LNX1: variants seen among roughly 807,000 people sequenced by gnomAD.
LNX1 encodes E3 ubiquitin-protein ligase LNX.
In LNX1, 54 loss-of-function variants were observed where a neutral mutation model predicts 68.4. The ratio of observed to expected loss-of-function variants is 0.79; its 90% confidence interval spans 0.63 to 0.99. The LOEUF (loss-of-function observed/expected upper bound fraction) is 0.99, where lower values mean the gene tolerates loss of function less well. Ranked by LOEUF, LNX1 falls within the 50% of genes least tolerant of loss-of-function variation. The pLI is 0.00. For synonymous variants in LNX1, 336 were observed against 350.0 expected, an observed-to-expected ratio of 0.96 and a Z score of 0.45; for missense variants, 906 against 926.4, an observed-to-expected ratio of 0.98 and a Z score of 0.29.
At chr4:53,473,917 T>G (rs1459679980) in intron 9 of LNX1, among the ~76,000 whole-genome samples, 1 of 152,148 alleles carries the variant, frequency 6.6e-6, no homozygotes, top group South Asian at 2.1e-4. Flanking sequence ...CTAGAGTCCC[T>G]GAAAAGCAGC....
At chr4:53,628,211 C>A (rs1734145036) in intron 1 of LNX1, among the ~76,000 whole-genome samples, 1 of 151,978 alleles carries the variant, frequency 6.6e-6, no homozygotes, top group Non-Finnish European at 1.5e-5. Context: ...AACAGACAAC[C>A]CACAGAATAG....
intron 9 of LNX1, among the ~76,000 whole-genome samples, chr4:53,475,802 A>T (rs57587034): frequency 0.11 from 17,315 of 152,162 alleles, 1,840 homozygotes; most frequent in South Asian, 0.28. Flanking sequence ...AAGTGAGACA[A>T]GTAATTACGT....
intron 9 of LNX1, among the ~76,000 whole-genome samples, chr4:53,467,430 G>A (rs1722770004): frequency 6.6e-6 from 1 of 152,284 alleles, no homozygotes; most frequent in East Asian, 1.9e-4. Flanking sequence ...AAAAATCAGA[G>A]CGCCTCTCCT....
chr4:53,639,892 G>A (rs1734613713), intron 1 of LNX1, among the ~76,000 whole-genome samples: 1 of 152,120 alleles, frequency 6.6e-6, no homozygotes, highest in Non-Finnish European at 1.5e-5. Flanking sequence ...AATTAGCCAG[G>A]CATGTTGGCG....
chr4:53,532,868 C>G (rs1577672255), intron 2 of LNX1, among the ~76,000 whole-genome samples: 1 of 152,206 alleles, frequency 6.6e-6, no homozygotes, highest in South Asian at 2.1e-4. Context: ...TGCAGGCTGC[C>G]CAGGAAGTTG....
At chr4:53,589,017 G>A (rs979812617) in intron 1 of LNX1, among the ~76,000 whole-genome samples, 1 of 152,184 alleles carries the variant, frequency 6.6e-6, no homozygotes, top group Non-Finnish European at 1.5e-5. Flanking sequence ...CAGAGGCTCG[G>A]CATGAACCCT....
Position 53,573,764 on chromosome 4 carries a change from T to C in LNX1, c.239A>G (p.Lys80Arg). The C allele has an allele frequency of 6.2e-7, 1 of 1,611,966 alleles. No individual in the cohort carries two copies. Among genetic ancestry groups the C allele is most frequent in the Non-Finnish European group, 8.5e-7 (1 of 1,179,076 alleles). Residue 80 changes from lysine to arginine, a missense_variant, in exon 2 of 11, where the codon AAG (lysine) becomes AGG (arginine). Transcript: ENST00000263925. ...VEKDFCPMDR[K>R]PLVLQHCKKS... ...CTTGCAGTGCTGCAGAACCAGAGGC[T>C]TGCGGTCCATGGGACAGAAGTCCTT...
At chr4:53,496,001 C>T in intron 6 of LNX1, 22 bp downstream of exon 6, 1 of 1,597,024 alleles carries the variant, frequency 6.3e-7, no homozygotes, top group Non-Finnish European at 8.5e-7. Flanking sequence ...TGACTGGGAT[C>T]CTGGAATGAC....
chr4:53,608,253 A>G (rs1158298169), intron 2 of LNX1, among the ~76,000 whole-genome samples: 1 of 152,226 alleles, frequency 6.6e-6, no homozygotes. Context: ...TCTATGAGGA[A>G]CTTTGACAAA....
chr4:53,499,839 C>T (rs1193845822), intron 4 of LNX1, among the ~76,000 whole-genome samples: 1 of 152,150 alleles, frequency 6.6e-6, no homozygotes, highest in East Asian at 1.9e-4. Context: ...GCAGTTCATC[C>T]CTGGTTTGCC....
At chr4:53,498,600 T>TA in intron 5 of LNX1, 41 bp downstream of exon 5, 1 of 1,491,460 alleles carries the variant, frequency 6.7e-7, no homozygotes, top group Non-Finnish European at 9.3e-7. Context: ...CATTTTTTTA[T>TA]ATCAAGCCCC....
intron 6 of LNX1, among the ~76,000 whole-genome samples, chr4:53,490,139 G>GA (rs5858215): frequency 0.93 from 141,778 of 152,128 alleles, 66,657 homozygotes; most frequent in East Asian, 1. Context: ...TTCATATAAG[G>GA]AAAAAACAAT....
intron 2 of LNX1, among the ~76,000 whole-genome samples, chr4:53,611,012 A>G (rs28608184): frequency 0.31 from 47,696 of 151,892 alleles, 7,813 homozygotes; most frequent in East Asian, 0.53. Context: ...ACTTGATGGT[A>G]GCAAATTTTA....
chr4:53,541,403 G>A (rs371519456), intron 2 of LNX1, among the ~76,000 whole-genome samples: 1 of 152,288 alleles, frequency 6.6e-6, no homozygotes, highest in Admixed American at 6.5e-5. Flanking sequence ...TTCACATAGT[G>A]GAAAGTTCCA....
intron 1 of LNX1, among the ~76,000 whole-genome samples, chr4:53,651,188 A>G (rs958629498): frequency 6.6e-6 from 1 of 152,142 alleles, no homozygotes; most frequent in African/African-American, 2.4e-5. Flanking sequence ...TGTTCACTCA[A>G]CAAATTCCTC....
intron 2 of LNX1, among the ~76,000 whole-genome samples, chr4:53,532,646 T>C (rs1216509198): frequency 6.6e-6 from 1 of 152,110 alleles, no homozygotes; most frequent in Non-Finnish European, 1.5e-5. Context: ...AAAATAACAT[T>C]CCCTATGTGA....
rs962148192 is a variant in LNX1 at position 53,573,712 on chromosome 4, G to C, written c.291C>G (p.Leu97=). The C allele has an allele frequency of 5.6e-6, 9 of 1,611,112 alleles. No individual in the cohort carries two copies. Among genetic ancestry groups the C allele is most frequent in the Non-Finnish European group, 7.6e-6 (9 of 1,178,700 alleles). ...GGCAGGTCACCAGTAGCTTGTTGAG[G>C]AGTTTGTTGACCAGGATGCTGGACT... ...CKKSSILVNK[L]LNKLLVTCPF... The change falls in exon 2 of 11, where the codon CTC becomes CTG. Residue 97 remains leucine (L), a synonymous_variant. Transcript: ENST00000263925.
At chr4:53,583,420 C>A (rs1356140183) in intron 1 of LNX1, among the ~76,000 whole-genome samples, 2 of 152,106 alleles carry the variant, frequency 1.3e-5, no homozygotes, top group Non-Finnish European at 2.9e-5. Context: ...TTACAGGCTG[C>A]CGCCAAGGTC....
intron 1 of LNX1, among the ~76,000 whole-genome samples, chr4:53,574,875 A>G (rs1247431039): frequency 6.6e-6 from 1 of 152,192 alleles, no homozygotes; most frequent in South Asian, 2.1e-4. Flanking sequence ...TACTGAATTC[A>G]TTGTCTCTAG....
Sources: allele counts gnomAD v4.1 joint callset (sites outside exome capture counted in the v4.1 genomes callset), GRCh38; gene constraint gnomAD v4.1.1; transcripts MANE v1.5; gene names NCBI Gene and HGNC (gene_info 2026-07-23, HGNC 2026-07-21).